The following SYT14 variants were observed in gnomAD, a reference collection of about 807,000 sequenced individuals.
The protein encoded by SYT14 is synaptotagmin-14.
SYT14 carries 32 observed loss-of-function variants against 74.2 expected under a neutral mutation model. That is an observed-to-expected ratio of 0.43 (90% CI 0.33 to 0.58). The LOEUF is 0.58. SYT14 is among the 20% of genes least tolerant of loss of function. The pLI is 0.05. For missense variants in SYT14, 791 were observed against 981.8 expected, an observed-to-expected ratio of 0.81 and a Z score of 2.60; for synonymous variants, 298 against 337.7, an observed-to-expected ratio of 0.88 and a Z score of 1.29.
At chr1:210,057,221 C>T (rs997699509) in intron 5 of SYT14, among the ~76,000 whole-genome samples, 7 of 152,180 alleles carry the variant, frequency 4.6e-5, no homozygotes, top group Non-Finnish European at 8.8e-5. Flanking sequence ...TCTAAATTAA[C>T]CTTTCCTTGT....
At chr1:210,017,299 T>A (rs868861662) in intron 4 of SYT14, among the ~76,000 whole-genome samples, 1 of 152,152 alleles carries the variant, frequency 6.6e-6, no homozygotes, top group Non-Finnish European at 1.5e-5. Flanking sequence ...ATGTTATTTG[T>A]CCCACTAAGT....
At chr1:209,947,690 T>A (rs2078844378) in intron 1 of SYT14, among the ~76,000 whole-genome samples, 1 of 152,214 alleles carries the variant, frequency 6.6e-6, no homozygotes, top group Non-Finnish European at 1.5e-5. Flanking sequence ...ATACACTTAG[T>A]TGATAAAGAA....
At chr1:210,055,561 A>G (rs1248937480) in intron 5 of SYT14, among the ~76,000 whole-genome samples, 1 of 152,066 alleles carries the variant, frequency 6.6e-6, no homozygotes, top group African/African-American at 2.4e-5. Context: ...TCATGCCTAT[A>G]TTCCCAACAC....
At chr1:210,088,394 C>T (rs149284039) in intron 5 of SYT14, among the ~76,000 whole-genome samples, 1 of 152,104 alleles carries the variant, frequency 6.6e-6, no homozygotes, top group African/African-American at 2.4e-5. Flanking sequence ...GTTCCCCTCC[C>T]TGTGCCCATA....
intron 2 of SYT14, among the ~76,000 whole-genome samples, chr1:209,968,863 C>G (rs2079199126): frequency 6.6e-6 from 1 of 151,770 alleles, no homozygotes; most frequent in African/African-American, 2.4e-5. Context: ...AACATAGTAT[C>G]CAATAGGTAG....
intron 5 of SYT14, among the ~76,000 whole-genome samples, chr1:210,021,954 A>G (rs1351799556): frequency 1.3e-5 from 2 of 152,230 alleles, no homozygotes; most frequent in Non-Finnish European, 2.9e-5. Context: ...TGACATAAAT[A>G]AGACAGATTT....
chr1:209,945,445 C>CT (rs1323757370), intron 1 of SYT14, among the ~76,000 whole-genome samples: 2 of 152,094 alleles, frequency 1.3e-5, no homozygotes, highest in African/African-American at 4.8e-5. Flanking sequence ...TGACGATGGT[C>CT]TAAGTGGATT....
chr1:210,080,079 T>C (rs2081589895), intron 5 of SYT14, among the ~76,000 whole-genome samples: 1 of 152,232 alleles, frequency 6.6e-6, no homozygotes, highest in African/African-American at 2.4e-5. Context: ...TGTGAAGTTT[T>C]CTGAGGAATA....
chr1:209,961,273 A>G (rs2079071692), intron 2 of SYT14, among the ~76,000 whole-genome samples: 1 of 152,122 alleles, frequency 6.6e-6, no homozygotes, highest in Non-Finnish European at 1.5e-5. Flanking sequence ...GTGTAGAACT[A>G]TATTCTGACT....
chr1:210,161,005 A>T (rs754630501), exon 10 of SYT14: 1 of 1,613,980 alleles, frequency 6.2e-7, no homozygotes, highest in Non-Finnish European at 8.5e-7. Context: ...TCAAAAGGAC[A>T]GCAAGTATGT....
chr1:210,096,823 T>C (rs182039138), intron 6 of SYT14, among the ~76,000 whole-genome samples: 12 of 152,378 alleles, frequency 7.9e-5, no homozygotes, highest in Admixed American at 2.6e-4. Context: ...TCCCTTTCTA[T>C]AGGTAACACT....
intron 5 of SYT14, among the ~76,000 whole-genome samples, chr1:210,056,530 T>C (rs2081099215): frequency 6.6e-6 from 1 of 151,732 alleles, no homozygotes; most frequent in Non-Finnish European, 1.5e-5. Flanking sequence ...AAAAGTTTTT[T>C]TGGGGCCGGG....
At chr1:210,117,246 A>G (rs1169538487) in intron 7 of SYT14, among the ~76,000 whole-genome samples, 2 of 152,086 alleles carry the variant, frequency 1.3e-5, no homozygotes, top group Non-Finnish European at 2.9e-5. Context: ...TGATGTTTAT[A>G]CTGTTATTTT....
At chr1:210,158,613 A>G (rs1005668682) in intron 8 of SYT14, among the ~76,000 whole-genome samples, 25 of 152,228 alleles carry the variant, frequency 1.6e-4, no homozygotes, top group African/African-American at 6.0e-4. Flanking sequence ...GATAATAAAC[A>G]GATGACAAAA....
At chr1:210,124,575 G>C (rs2082530077) in intron 7 of SYT14, among the ~76,000 whole-genome samples, 1 of 152,160 alleles carries the variant, frequency 6.6e-6, no homozygotes, top group Non-Finnish European at 1.5e-5. Flanking sequence ...ATAAAAATTA[G>C]AAAGATCAGA....
At chr1:209,987,573 T>G (rs1409624822) in intron 2 of SYT14, among the ~76,000 whole-genome samples, 1 of 152,226 alleles carries the variant, frequency 6.6e-6, no homozygotes, top group African/African-American at 2.4e-5. Flanking sequence ...TCCCCCATGA[T>G]CCAAACACCT....
chr1:210,075,174 A>G (rs2081470224), intron 5 of SYT14, among the ~76,000 whole-genome samples: 1 of 152,036 alleles, frequency 6.6e-6, no homozygotes, highest in African/African-American at 2.4e-5. Flanking sequence ...TTATCCAGCC[A>G]GTCGATGGCC....
intron 5 of SYT14, among the ~76,000 whole-genome samples, chr1:210,030,748 G>C (rs1001403938): frequency 2.6e-5 from 4 of 152,112 alleles, no homozygotes; most frequent in African/African-American, 4.8e-5. Context: ...AACTTTCTCT[G>C]TTGTTGGGAT....
intron 7 of SYT14, among the ~76,000 whole-genome samples, chr1:210,110,875 G>T (rs2082249206): frequency 6.6e-6 from 1 of 152,142 alleles, no homozygotes; most frequent in Non-Finnish European, 1.5e-5. Context: ...CTCCCGAGTA[G>T]CTGGGATTAC....
Sources: gnomAD v4.1 joint callset for allele counts (sites outside exome capture counted in the v4.1 genomes callset) on GRCh38, gnomAD v4.1.1 for gene constraint, MANE v1.5 for transcripts, NCBI Gene and HGNC (gene_info 2026-07-23, HGNC 2026-07-21) for gene names.